The following SPAG17 variants were observed in gnomAD, a reference collection of about 807,000 sequenced individuals.
SPAG17 encodes the protein sperm associated antigen 17.
In SPAG17, 169 loss-of-function variants were observed where a neutral mutation model predicts 273.6. That is an observed-to-expected ratio of 0.62 (90% confidence interval 0.55 to 0.70). The LOEUF is 0.70. Among genes scored for constraint, SPAG17 ranks in the 30% least tolerant of loss-of-function variants. The probability of loss-of-function intolerance (pLI) is 0.00; values close to 1 mark genes in which losing one functional copy is unlikely to be tolerated. For missense variants in SPAG17, 2,557 were observed against 2,627.8 expected (o/e 0.97, Z 0.59); for synonymous variants, 825 against 873.2 (o/e 0.94, Z 0.97).
At chr1:118,183,875 G>A (rs1213192788) in intron 1 of SPAG17, among the ~76,000 whole-genome samples, 1 of 152,140 alleles carries the variant, frequency 6.6e-6, no homozygotes, top group Non-Finnish European at 1.5e-5. Flanking sequence ...AAAAGAGAGG[G>A]TGCTTTTACA....
intron 29 of SPAG17, among the ~76,000 whole-genome samples, chr1:118,015,174 A>G (rs1477191817): frequency 6.6e-6 from 1 of 151,858 alleles, no homozygotes; most frequent in African/African-American, 2.4e-5. Flanking sequence ...TATCCCAGCT[A>G]CATGGGAGGC....
chr1:117,995,162 C>T (rs1381718595), intron 34 of SPAG17, among the ~76,000 whole-genome samples: 5 of 152,098 alleles, frequency 3.3e-5, no homozygotes, highest in African/African-American at 7.2e-5. Flanking sequence ...AGCTCTCTCT[C>T]TTACCTTAAT....
At chr1:117,988,966 C>A (rs1656753361) in intron 38 of SPAG17, among the ~76,000 whole-genome samples, 1 of 152,092 alleles carries the variant, frequency 6.6e-6, no homozygotes, top group East Asian at 1.9e-4. Flanking sequence ...TTTCCTGGAA[C>A]TGTTTGTTTA....
intron 1 of SPAG17, among the ~76,000 whole-genome samples, chr1:118,157,974 G>A (rs1401032130): frequency 6.6e-6 from 1 of 151,900 alleles, no homozygotes; most frequent in Non-Finnish European, 1.5e-5. Context: ...GGGAGACCCA[G>A]GGAAAAAAAA....
rs758273836 is a variant in SPAG17 at position 118,101,857 on chromosome 1, G to A, written c.517C>T (p.Pro173Ser). ...KAKSPKEKKA[P>S]SAKPAKGKGK... ...TTTCCTTTGGCAGGCTTGGCACTTG[G>A]AGCCTTTTTCTCCTTGGGAGATTTT... is the stretch of plus-strand genomic sequence containing the variant. Residue 173 changes from proline (P) to serine (S), a missense_variant, in exon 5 of 49, where the codon CCA becomes TCA. Transcript: ENST00000336338. 6.2e-7 allele frequency: 1 copy of A among 1,613,950 alleles called. No individual in the cohort carries two copies. Among genetic ancestry groups the A allele is most frequent in the East Asian group, 2.2e-5 (1 of 44,866 alleles).
At chr1:117,998,393 TATTTG>T (rs1657898545) in intron 32 of SPAG17, among the ~76,000 whole-genome samples, 1 of 152,176 alleles carries the variant, frequency 6.6e-6, no homozygotes, top group African/African-American at 2.4e-5. Flanking sequence ...CTGGGCTCTC[TATTTG>T]GTTTCATTGG....
At chr1:118,182,815 C>A (rs1661008376) in intron 1 of SPAG17, among the ~76,000 whole-genome samples, 2 of 152,200 alleles carry the variant, frequency 1.3e-5, no homozygotes, top group African/African-American at 2.4e-5. Context: ...TTTTACAAAT[C>A]ATTTCCTGAC....
Position 117,981,296 on chromosome 1 carries a change from G to A in SPAG17, c.5978C>T (p.Thr1993Ile), listed in dbSNP as rs151073125. ...DKKDFTAQNQ[T>I]ENLTKSPEEA... is the part of the protein sequence containing the mutation. ...TTCAGGAGATTTTGTTAAATTTTCA[G>A]TTTGGTTCTGAGCAGTGAAATCCTT... The change falls in exon 43 of 49, where the codon ACT (threonine) becomes ATT (isoleucine). Residue 1993 changes from threonine (T) to isoleucine (I), a missense_variant. Physicochemically the swap from Thr to Ile is moderately conservative, Grantham distance 89. Coordinates refer to ENST00000336338, the MANE Select transcript of SPAG17 (RefSeq NM_206996.4). 2.9e-5 allele frequency: 45 copies of A among 1,577,200 alleles called. No homozygotes were observed. The African/African-American group carries it at 6.0e-4, about 21-fold the overall frequency.
chr1:118,073,605 G>A (rs765551468), intron 17 of SPAG17, among the ~76,000 whole-genome samples: 56 of 152,056 alleles, frequency 3.7e-4, no homozygotes, highest in Non-Finnish European at 5.1e-4. Context: ...CAGCAGTCTT[G>A]TATATTTCTT....
chr1:118,128,137 A>AG (rs1657845084), intron 3 of SPAG17, among the ~76,000 whole-genome samples: 1 of 152,108 alleles, frequency 6.6e-6, no homozygotes, highest in African/African-American at 2.4e-5. Context: ...AAAAAAAAAA[A>AG]AAGATTCCTA....
chr1:117,992,624 C>G lies in SPAG17; in HGVS notation c.5203G>C (p.Gly1735Arg). Residue 1735 changes from glycine (G) to arginine (R), a missense_variant, in exon 36 of 49, where the codon GGT (glycine) becomes CGT (arginine). Gly to Arg is a moderately radical substitution (Grantham distance 125). Coordinates refer to ENST00000336338, the MANE Select transcript of SPAG17 (RefSeq NM_206996.4). ...CAAAGGCCTTTCCAAATCTGAGTAC[C>G]AAACGGAGGTCCTGGAGTTTTTTTC... ...VEKKTPGPPF[G>R]TQIWKGLCIE... The G allele has an allele frequency of 1.2e-6, 2 of 1,601,764 alleles. No homozygotes were observed. Among genetic ancestry groups the G allele is most frequent in the Non-Finnish European group, 1.7e-6 (2 of 1,176,232 alleles).
intron 17 of SPAG17, among the ~76,000 whole-genome samples, chr1:118,067,766 C>T (rs1653130765): frequency 6.6e-6 from 1 of 152,162 alleles, no homozygotes; most frequent in African/African-American, 2.4e-5. Context: ...TCCAAGAACA[C>T]TGTGTGTTAT....
At chr1:118,044,499 T>A (rs187136139) in intron 20 of SPAG17, among the ~76,000 whole-genome samples, 100 of 151,804 alleles carry the variant, frequency 6.6e-4, no homozygotes, top group African/African-American at 2.2e-3. Context: ...AAAAAAAAGA[T>A]AAACTGTCCA....
At position 118,041,713 on chromosome 1, in the gene SPAG17, T is replaced by C. The variant is rs1571320187; in HGVS notation, c.3054+90A>G. The C allele has an allele frequency of 2.0e-6, 3 of 1,513,494 alleles. No individual in the cohort carries two copies. The East Asian group carries it at 6.8e-5, about 34-fold the overall frequency. The allele number at this position is 1,513,494 out of a possible 1,614,324, so 93.8% of individuals were successfully genotyped here. On this transcript the variant is annotated intron_variant, in intron 21 of 48. Coordinates refer to ENST00000336338, the MANE Select transcript of SPAG17 (RefSeq NM_206996.4). Reference sequence around the variant, plus strand: ...AAACCCTAGGCCTACTGTGGGGTAGTGAAAACAAAAGAATCTTATAATAAC... The same window carrying C: ...AAACCCTAGGCCTACTGTGGGGTAGCGAAAACAAAAGAATCTTATAATAAC...
At chr1:117,959,695 T>G in intron 48 of SPAG17, 2 of 323,124 alleles carry the variant, frequency 6.2e-6, no homozygotes. Flanking sequence ...AGCTTGAGCC[T>G]TGCAGCTCAA....
intron 15 of SPAG17, among the ~76,000 whole-genome samples, chr1:118,077,489 C>T (rs1654197726): frequency 6.6e-6 from 1 of 152,094 alleles, no homozygotes; most frequent in Non-Finnish European, 1.5e-5. Context: ...TGTAGTTTGA[C>T]CACCAGGTGG....
At chr1:118,090,660 G>T (rs1446552029) in intron 10 of SPAG17, among the ~76,000 whole-genome samples, 1 of 152,238 alleles carries the variant, frequency 6.6e-6, no homozygotes, top group East Asian at 1.9e-4. Context: ...TAGGTGGGAG[G>T]TTGGCTTGGG....
chr1:118,157,667 C>G (rs550862035), intron 1 of SPAG17, among the ~76,000 whole-genome samples: 74 of 152,160 alleles, frequency 4.9e-4, no homozygotes, highest in Non-Finnish European at 9.6e-4. Flanking sequence ...TAATTAGGAG[C>G]CTGGGTTCGA....
At chr1:117,974,182 T>A (rs1654884736) in intron 43 of SPAG17, among the ~76,000 whole-genome samples, 1 of 152,180 alleles carries the variant, frequency 6.6e-6, no homozygotes, top group South Asian at 2.1e-4. Flanking sequence ...GGTGTATATC[T>A]AGTAATGGAA....
Sources: allele counts gnomAD v4.1 joint callset (sites outside exome capture counted in the v4.1 genomes callset), GRCh38; gene constraint gnomAD v4.1.1; transcripts MANE v1.5; gene names NCBI Gene and HGNC (gene_info 2026-07-23, HGNC 2026-07-21).